Variants in TMEM59 observed in about 807,000 individuals in gnomAD.
TMEM59 encodes dendritic cell factor 1.
In TMEM59, 44 loss-of-function variants were observed where a neutral mutation model predicts 42.2. The ratio of observed to expected loss-of-function variants is 1.04; its 90% CI spans 0.82 to 1.34. The LOEUF (loss-of-function observed/expected upper bound fraction) is 1.34. Ranked by LOEUF, TMEM59 falls within the 40% of genes most tolerant of loss-of-function variation. The probability of loss-of-function intolerance (pLI) is 0.00; values close to 1 mark genes in which losing one functional copy is unlikely to be tolerated. For missense variants in TMEM59, 359 were observed against 382.8 expected (o/e 0.94, Z 0.52); for synonymous variants, 148 against 145.8 (o/e 1.02, Z -0.11).
At position 54,030,433 on chromosome 1, in the gene TMEM59, C is replaced by A. The variant is rs541220232; in HGVS notation, c.*1717G>T. On this transcript the variant is annotated 3_prime_UTR_variant, in exon 8 of 8. Coordinates refer to ENST00000234831, the MANE Select transcript of TMEM59 (RefSeq NM_004872.5). ...TTTTAATGGTAACTCCTATCCACTA[C>A]CCATGTTTTATATAGTCCCCATGTT... is the stretch of plus-strand genomic sequence containing the variant. The A allele has an allele frequency of 1.3e-5, 2 of 151,940 alleles. No individual in the cohort carries two copies. Among genetic ancestry groups the A allele is most frequent in the African/African-American group, 4.8e-5 (2 of 41,356 alleles). 9.4% of individuals were successfully genotyped at this position (151,940 alleles called of 1,614,324 possible). A position where few individuals can be genotyped will look rare whatever the true frequency, so the allele number is the denominator to read the frequency against.
Position 54,036,623 on chromosome 1 carries a change from T to C in TMEM59, c.803A>G (p.Tyr268Cys), listed in dbSNP as rs1427845904. The C allele has an allele frequency of 1.2e-6, 2 of 1,607,206 alleles. No homozygotes were observed. Residue 268 changes from tyrosine to cysteine, a missense_variant, in exon 7 of 8, where the codon TAT (tyrosine) becomes TGT (cysteine). Tyr to Cys is a radical substitution (Grantham distance 194). Coordinates refer to ENST00000234831, the MANE Select transcript of TMEM59 (RefSeq NM_004872.5). ...AATTAAATTTACCTCAGAGGGAACA[T>C]ACTGCTCCACAGCTGTAGCAACAGT... Reference protein sequence around the residue: ...CATVATAVEQYVPSEKLSIYG... With the variant: ...CATVATAVEQCVPSEKLSIYG...
intron 5 of TMEM59, among the ~76,000 whole-genome samples, chr1:54,041,382 C>T (rs886798500): frequency 1.3e-5 from 2 of 152,228 alleles, no homozygotes; most frequent in African/African-American, 4.8e-5. Context: ...TTGATTAGTT[C>T]ATGCTCAAAA....
intron 2 of TMEM59, among the ~76,000 whole-genome samples, chr1:54,046,138 C>T (rs891894910): frequency 1.3e-5 from 2 of 152,084 alleles, no homozygotes; most frequent in Admixed American, 6.5e-5. Context: ...GTGTGTGTGA[C>T]CTGAGCTGAG....
chr1:54,042,840 A>G (rs1657186828), intron 4 of TMEM59, among the ~76,000 whole-genome samples: 1 of 152,230 alleles, frequency 6.6e-6, no homozygotes, highest in Non-Finnish European at 1.5e-5. Context: ...TTGTTTGAAG[A>G]TGTGAGAGAA....
intron 7 of TMEM59, chr1:54,033,823 T>A (rs1363919909): frequency 6.6e-6 from 1 of 151,628 alleles, no homozygotes; most frequent in African/African-American, 2.4e-5. Context: ...TCAAAAGTGA[T>A]ACATGCTATC....
chr1:54,037,698 C>T (rs1330347820), intron 6 of TMEM59, among the ~76,000 whole-genome samples: 1 of 152,222 alleles, frequency 6.6e-6, no homozygotes, highest in Non-Finnish European at 1.5e-5. Context: ...TAAGCACAGT[C>T]ATTGTTTGTC....
At chr1:54,035,675 C>T (rs1225411741) in intron 7 of TMEM59, among the ~76,000 whole-genome samples, 1 of 152,032 alleles carries the variant, frequency 6.6e-6, no homozygotes, top group South Asian at 2.1e-4. Context: ...TACAGTGGCA[C>T]AATCCTGGCT....
intron 5 of TMEM59, 35 bp downstream of exon 5, chr1:54,041,686 CTAA>C (rs1557676760): frequency 6.5e-7 from 1 of 1,535,494 alleles, no homozygotes. Context: ...GATTTGACTG[CTAA>C]TGTTTTTATC....
intron 1 of TMEM59, chr1:54,047,753 C>T (rs1037403612): frequency 1.6e-5 from 4 of 247,810 alleles, no homozygotes; most frequent in Non-Finnish European, 3.1e-5. Flanking sequence ...TTGAGGCCAA[C>T]AGTTTGAGGC....
At chr1:54,042,886 G>A (rs1657188780) in intron 4 of TMEM59, among the ~76,000 whole-genome samples, 1 of 152,174 alleles carries the variant, frequency 6.6e-6, no homozygotes, top group African/African-American at 2.4e-5. Context: ...GGGAATAACA[G>A]TTATTATCAT....
intron 7 of TMEM59, among the ~76,000 whole-genome samples, chr1:54,032,911 A>T (rs1230453777): frequency 2.0e-5 from 3 of 151,562 alleles, no homozygotes; most frequent in Admixed American, 2.0e-4. Context: ...TATATGTATG[A>T]ATGTCTCTGT....
In TMEM59 at chr1:54,036,595, A is replaced by AAGTGTT; in HGVS notation, c.816+14_816+15insAACACT. Reference sequence around the variant, plus strand: ...TCACAGGGCTCAGTCTTCAAATGGTAAGAATTAAATTTACCTCAGAGGGAA... The same window carrying AAGTGTT: ...TCACAGGGCTCAGTCTTCAAATGGTAAGTGTTAGAATTAAATTTACCTCAGAGGGAA... On this transcript the variant is annotated intron_variant, in intron 7 of 7. Coordinates refer to ENST00000234831, the MANE Select transcript of TMEM59 (RefSeq NM_004872.5). 6.3e-7 allele frequency: 1 copy of AAGTGTT among 1,574,930 alleles called. No individual in the cohort carries two copies. The highest frequency in any genetic ancestry group is 1.4e-5 in the African/African-American group (1 of 72,766).
In TMEM59 at chr1:54,043,496, T is replaced by C; in HGVS notation, c.420A>G (p.Leu140=). The C allele has an allele frequency of 6.6e-7, 1 of 1,523,630 alleles. No individual in the cohort carries two copies. Among genetic ancestry groups the C allele is most frequent in the Non-Finnish European group, 8.8e-7 (1 of 1,135,392 alleles). 94.4% of individuals were successfully genotyped at this position (1,523,630 alleles called of 1,614,324 possible). ...ACCTCACCAGAGTTAGAGGAAAGAG[T>C]AGGTGCATTTTTGGCATCAGGGACA... The part of the protein sequence containing the change: ...QLMSLMPKMH[L]LFPLTLVRSF... The change falls in exon 4 of 8, where the codon CTA becomes CTG. Residue 140 remains leucine (L), a synonymous_variant. Coordinates refer to ENST00000234831, the MANE Select transcript of TMEM59 (RefSeq NM_004872.5).
chr1:54,048,497 C>T (rs890241372), intron 1 of TMEM59, among the ~76,000 whole-genome samples: 4 of 152,126 alleles, frequency 2.6e-5, no homozygotes, highest in Non-Finnish European at 4.4e-5. Context: ...TCAATGTATA[C>T]GTGTGAAAGC....
intron 1 of TMEM59, among the ~76,000 whole-genome samples, chr1:54,051,330 G>A (rs978828503): frequency 7.9e-5 from 12 of 152,076 alleles, no homozygotes; most frequent in Admixed American, 7.2e-4. Context: ...TGAGAATTAG[G>A]GATAATGGTA....
chr1:54,053,314 G>A (rs1386544190), upstream of TMEM59: 11 of 1,202,912 alleles, frequency 9.1e-6, no homozygotes, highest in Admixed American at 2.6e-5. Flanking sequence ...TGTCACTTCA[G>A]CTCCGCCCTC....
chr1:54,051,199 A>G (rs1007510397), intron 1 of TMEM59, among the ~76,000 whole-genome samples: 1 of 152,188 alleles, frequency 6.6e-6, no homozygotes, highest in Non-Finnish European at 1.5e-5. Context: ...AGCATAGTGT[A>G]GCCAGTTTTA....
rs1465925493 is a variant in TMEM59, at chr1:54,027,757, TGA to T, written c.*4391_*4392del. ...GTGCACTCCAGCCTGAGTAACAGTG[TGA>T]GACTCTGTCTCAAAAAAAAAAAAAG... On this transcript the variant is annotated 3_prime_UTR_variant, in exon 8 of 8. Transcript: ENST00000234831. 1 of 149,084 alleles carries T rather than the reference TGA, an allele frequency of 6.7e-6. No homozygotes were observed. Among genetic ancestry groups the T allele is most frequent in the Non-Finnish European group, 1.5e-5 (1 of 67,866 alleles). 9.2% of individuals were successfully genotyped at this position (149,084 alleles called of 1,614,324 possible). A position where few individuals can be genotyped will look rare whatever the true frequency, so the allele number is the denominator to read the frequency against.
chr1:54,052,941 G>A, intron 1 of TMEM59, 59 bp downstream of exon 1: 1 of 1,552,920 alleles, frequency 6.4e-7, no homozygotes, highest in Non-Finnish European at 8.7e-7. Flanking sequence ...ACATACGTGT[G>A]GGGAGCCGAG....
Sources: gnomAD v4.1 joint callset for allele counts (sites outside exome capture counted in the v4.1 genomes callset) on GRCh38, gnomAD v4.1.1 for gene constraint, MANE v1.5 for transcripts, NCBI Gene and HGNC (gene_info 2026-07-23, HGNC 2026-07-21) for gene names.